Variants in DCAF1 observed in about 807,000 individuals in gnomAD.
DCAF1 encodes the protein DDB1 and CUL4 associated factor 1, also known as DDB1- and CUL4-associated factor 1.
In DCAF1, 15 loss-of-function variants were observed where a neutral mutation model predicts 128.0. That is an observed-to-expected ratio of 0.12 (90% CI 0.08 to 0.18). The LOEUF is 0.18. Ranked by LOEUF, DCAF1 falls within the 10% of genes least tolerant of loss-of-function variation. The pLI is 1.00. For synonymous variants in DCAF1, 610 were observed against 603.0 expected (o/e 1.01, Z -0.17); for missense variants, 988 against 1,649.5 (o/e 0.60, Z 6.95).
chr3:51,495,646 A>G (rs1403599074), intron 2 of DCAF1, among the ~76,000 whole-genome samples: 2 of 152,106 alleles, frequency 1.3e-5, no homozygotes, highest in Non-Finnish European at 2.9e-5. Flanking sequence ...TAATCCCAGC[A>G]CTTTGGAAAA....
At chr3:51,421,043 C>T (rs1396134922) in intron 14 of DCAF1, 46 bp from the exon 15 acceptor site, 3 of 1,549,242 alleles carry the variant, frequency 1.9e-6, no homozygotes, top group Non-Finnish European at 2.6e-6. Context: ...AAACTAATGG[C>T]CAACTTCAAT....
chr3:51,501,267 G>A (rs967378191), upstream of DCAF1, among the ~76,000 whole-genome samples: 2 of 152,140 alleles, frequency 1.3e-5, no homozygotes, highest in African/African-American at 2.4e-5. Context: ...TCTTCATGTT[G>A]TTGGGAAAAA....
At chr3:51,412,610 A>C (rs906938248) in intron 22 of DCAF1, 130 bp from the exon 23 acceptor site, 2 of 1,442,430 alleles carry the variant, frequency 1.4e-6, no homozygotes, top group Admixed American at 2.4e-5. Flanking sequence ...GAAATTCTTG[A>C]GCTGACTATG....
chr3:51,466,692 A>C, intron 5 of DCAF1, 111 bp downstream of exon 5: 2 of 1,020,426 alleles, frequency 2.0e-6, no homozygotes, highest in South Asian at 1.6e-5. Context: ...AAAAAACTCT[A>C]CTCCCAACTT....
intron 9 of DCAF1, among the ~76,000 whole-genome samples, chr3:51,434,662 T>C (rs1700660203): frequency 1.3e-5 from 2 of 152,282 alleles, no homozygotes; most frequent in South Asian, 2.1e-4. Flanking sequence ...AATTGATCAA[T>C]ATATCCCCAA....
At position 51,459,641 on chromosome 3, in the gene DCAF1, C is replaced by T. The variant is rs535066080; in HGVS notation, c.375+3473G>A. Reference sequence around the variant, plus strand: ...TTAGACCAATATCCTTGATGAACATCGATGCAAAAATCCTCAATAAAATAC... The same window carrying T: ...TTAGACCAATATCCTTGATGAACATTGATGCAAAAATCCTCAATAAAATAC... On this transcript the variant is annotated intron_variant, in intron 6 of 24. Coordinates refer to ENST00000684031, the MANE Select transcript of DCAF1 (RefSeq NM_001387579.1). Among the ~76,000 whole-genome samples the T allele has an allele frequency of 1.1e-3, 171 of 152,188 alleles. 1 individual carries two copies. The highest frequency in any genetic ancestry group is 3.8e-3 in the African/African-American group (156 of 41,552).
upstream of DCAF1, among the ~76,000 whole-genome samples, chr3:51,504,880 G>T (rs1708904122): frequency 6.6e-6 from 1 of 152,134 alleles, no homozygotes; most frequent in Non-Finnish European, 1.5e-5. Flanking sequence ...TAGGGAGGCT[G>T]AGGCAGGTGG....
At chr3:51,401,131 CAAAAAAA>C (rs57102954) in intron 24 of DCAF1, among the ~76,000 whole-genome samples, 8 of 67,258 alleles carry the variant, frequency 1.2e-4, no homozygotes, top group Non-Finnish European at 2.4e-4. Flanking sequence ...GACTCCATCT[CAAAAAAA>C]AAAAAAAAAA....
At chr3:51,403,986 GA>G (rs1277719514) in intron 23 of DCAF1, among the ~76,000 whole-genome samples, 1 of 151,638 alleles carries the variant, frequency 6.6e-6, no homozygotes, top group African/African-American at 2.4e-5. Flanking sequence ...AAGCCAAAAA[GA>G]AAAAAAAGTA....
chr3:51,404,924 T>G (rs1281236355), intron 23 of DCAF1, among the ~76,000 whole-genome samples: 17 of 152,160 alleles, frequency 1.1e-4, no homozygotes. Context: ...AGACAGGCTC[T>G]CAGCCCCTAC....
chr3:51,504,318 G>C (rs1232787474), upstream of DCAF1, among the ~76,000 whole-genome samples: 2 of 151,720 alleles, frequency 1.3e-5, no homozygotes, highest in African/African-American at 2.4e-5. Context: ...TTACAGGCGT[G>C]AGCCACCGCG....
At chr3:51,493,522 A>T (rs1707893829) in intron 2 of DCAF1, among the ~76,000 whole-genome samples, 1 of 152,198 alleles carries the variant, frequency 6.6e-6, no homozygotes, top group African/African-American at 2.4e-5. Flanking sequence ...ATAGCCAAAA[A>T]GTAGAAACAA....
At chr3:51,433,062 C>T (rs1181567909) in intron 10 of DCAF1, 44 bp downstream of exon 10, 1 of 398,258 alleles carries the variant, frequency 2.5e-6, no homozygotes, top group Admixed American at 4.4e-5. Context: ...AAGAGGTTAT[C>T]CCCAACCTAA....
intron 9 of DCAF1, 128 bp downstream of exon 9, chr3:51,440,842 G>A: frequency 1.5e-6 from 1 of 674,542 alleles, no homozygotes; most frequent in South Asian, 2.0e-5. Context: ...GGAGGCGGAG[G>A]TTGCAGTGAG....
chr3:51,479,690 G>A (rs1431369409), intron 3 of DCAF1, among the ~76,000 whole-genome samples: 5 of 151,992 alleles, frequency 3.3e-5, no homozygotes, highest in Non-Finnish European at 5.9e-5. Flanking sequence ...CAGCTGCTCA[G>A]GAAGCTGAGG....
chr3:51,466,830 G>A lies in DCAF1; in HGVS notation c.234C>T (p.Leu78=), dbSNP rs1003800386. The stretch of plus-strand genomic sequence containing the variant: ...CATTCATGAAATCATCATTCTTGAA[G>A]AGTATTCTCAGCAAGTGGCCCAGCA... ...ECMLGHLLRI[L]FKNDDFMNAL... is the part of the protein sequence containing the mutation. The change falls in exon 5 of 25, where the codon CTC becomes CTT. Residue 78 remains leucine (L), a synonymous_variant. Transcript: ENST00000684031. The A allele has an allele frequency of 6.2e-7, 1 of 1,613,732 alleles. No individual in the cohort carries two copies. Among genetic ancestry groups the A allele is most frequent in the Admixed American group, 1.7e-5 (1 of 59,986 alleles).
chr3:51,409,433 A>C (rs1553627719), intron 23 of DCAF1, among the ~76,000 whole-genome samples: 1 of 152,120 alleles, frequency 6.6e-6, no homozygotes, highest in Non-Finnish European at 1.5e-5. Flanking sequence ...ACCAGGCATC[A>C]CATGGACCCA....
intron 24 of DCAF1, among the ~76,000 whole-genome samples, chr3:51,400,010 G>A (rs1343346248): frequency 1.3e-5 from 2 of 152,168 alleles, no homozygotes; most frequent in Non-Finnish European, 2.9e-5. Context: ...ACTTCCTTTA[G>A]GAGGAAAACT....
Position 51,400,227 on chromosome 3 carries a change from A to G in DCAF1, c.4466-1400T>C, listed in dbSNP as rs190365293. On this transcript the variant is annotated intron_variant, in intron 24 of 24. Transcript: ENST00000684031. The stretch of plus-strand genomic sequence containing the variant: ...TTATCTAACACAGCTGAACAAAGCA[A>G]GCCTCAGCTCCTCTGCTGTAAGAGC... 1.6e-3 allele frequency among the ~76,000 whole-genome samples: 241 copies of G among 152,336 alleles called. 1 individual carries two copies. Among genetic ancestry groups the G allele is most frequent in the Non-Finnish European group, 2.8e-4 (19 of 68,032 alleles).
Sources: allele counts gnomAD v4.1 joint callset (sites outside exome capture counted in the v4.1 genomes callset), GRCh38; gene constraint gnomAD v4.1.1; transcripts MANE v1.5; gene names NCBI Gene and HGNC (gene_info 2026-07-23, HGNC 2026-07-21).